NLGN4X: variants seen among roughly 807,000 people sequenced by gnomAD.
NLGN4X encodes neuroligin-4, X-linked.
A neutral mutation model predicts 40.3 loss-of-function variants in NLGN4X; 3 were observed. That is an observed-to-expected ratio of 0.07 (90% confidence interval 0.03 to 0.19). NLGN4X has a LOEUF of 0.19. Among genes scored for constraint, NLGN4X ranks in the 10% least tolerant of loss-of-function variants. NLGN4X has a pLI of 1.00. For missense variants in NLGN4X, 382 were observed against 708.3 expected (o/e 0.54, Z 5.23); for synonymous variants, 270 against 306.8 (o/e 0.88, Z 1.25).
At chrX:6,054,043 T>C (rs1569210605) in intron 2 of NLGN4X, among the ~76,000 whole-genome samples, 1 of 112,347 alleles carries the variant, frequency 8.9e-6, no homozygotes, top group Non-Finnish European at 1.9e-5. Context: ...ATAGCTTTAA[T>C]GCACTGTTAG....
At chrX:6,044,038 C>G (rs1238302230) in intron 2 of NLGN4X, among the ~76,000 whole-genome samples, 1 of 110,078 alleles carries the variant, frequency 9.1e-6, no homozygotes, top group Non-Finnish European at 1.9e-5. Flanking sequence ...GAGGCCAAGG[C>G]AAGAGGACTG....
At chrX:6,001,729 C>T (rs1227489758) in intron 3 of NLGN4X, among the ~76,000 whole-genome samples, 2 of 108,887 alleles carry the variant, frequency 1.8e-5, no homozygotes, top group African/African-American at 6.7e-5. Context: ...GTACATTCAC[C>T]ATCAAATCCT....
At chrX:6,153,924 G>A (rs1382470251) in intron 1 of NLGN4X, among the ~76,000 whole-genome samples, 1 of 112,399 alleles carries the variant, frequency 8.9e-6, no homozygotes, top group Non-Finnish European at 1.9e-5. Flanking sequence ...CACTTACTAG[G>A]TCTAGATTGG....
intron 1 of NLGN4X, among the ~76,000 whole-genome samples, chrX:6,199,940 C>T (rs1923445121): frequency 8.9e-6 from 1 of 111,848 alleles, no homozygotes; most frequent in Admixed American, 9.5e-5. Context: ...GAACTTTCCC[C>T]TACAGTGCGT....
intron 2 of NLGN4X, among the ~76,000 whole-genome samples, chrX:6,045,353 T>A (rs1405889247): frequency 8.9e-6 from 1 of 112,220 alleles, no homozygotes; most frequent in Admixed American, 9.5e-5. Flanking sequence ...AAGTTCTTCA[T>A]CCAAAACGCA....
At chrX:6,074,941 T>C (rs911646789) in intron 2 of NLGN4X, among the ~76,000 whole-genome samples, 7 of 111,742 alleles carry the variant, frequency 6.3e-5, no homozygotes, top group Non-Finnish European at 1.3e-4. Flanking sequence ...AAAGCTTGTA[T>C]TATTTATATT....
At chrX:6,117,220 A>C (rs1273628810) in intron 2 of NLGN4X, among the ~76,000 whole-genome samples, 1 of 110,508 alleles carries the variant, frequency 9.0e-6, no homozygotes, top group Non-Finnish European at 1.9e-5. Context: ...TCCATGAACC[A>C]TCTTTTCAGT....
intron 3 of NLGN4X, among the ~76,000 whole-genome samples, chrX:5,931,142 T>C (rs2033531090): frequency 8.9e-6 from 1 of 112,306 alleles, no homozygotes. Flanking sequence ...GGAAATGTAG[T>C]GGATTTGCTC....
At position 6,140,322 on chromosome X, in the gene NLGN4X, G is replaced by A. The variant is rs141395282; in HGVS notation, c.472+10673C>T. On this transcript the variant is annotated intron_variant, in intron 2 of 5. Transcript: ENST00000381095. ...CTTGAAGGAGACTTTGGGATGTTTGGGGTTTCAGAGAGGAAGAGGATATAG... is the reference window on the plus strand; with the variant it reads ...CTTGAAGGAGACTTTGGGATGTTTGAGGTTTCAGAGAGGAAGAGGATATAG... 5.3e-3 allele frequency among the ~76,000 whole-genome samples: 585 copies of A among 110,843 alleles called. 7 individuals carry two copies. Among genetic ancestry groups the A allele is most frequent in the African/African-American group, 0.018 (550 of 30,468 alleles).
chrX:6,181,135 A>C (rs1351649633), intron 1 of NLGN4X, among the ~76,000 whole-genome samples: 1 of 111,248 alleles, frequency 9.0e-6, no homozygotes, highest in East Asian at 2.8e-4. Context: ...CCTGTGGGGA[A>C]TAAGGATAGT....
At chrX:5,950,894 C>T (rs1028084404) in intron 3 of NLGN4X, among the ~76,000 whole-genome samples, 1 of 111,819 alleles carries the variant, frequency 8.9e-6, no homozygotes, top group African/African-American at 3.2e-5. Flanking sequence ...GGAAGTAGGA[C>T]GGAGAAGAAA....
chrX:5,966,184 T>C (rs927991824), intron 3 of NLGN4X, among the ~76,000 whole-genome samples: 4 of 112,124 alleles, frequency 3.6e-5, no homozygotes, highest in Non-Finnish European at 7.5e-5. Flanking sequence ...AGGTAGAACA[T>C]GACATATACT....
intron 3 of NLGN4X, among the ~76,000 whole-genome samples, chrX:5,991,877 G>A (rs777400794): frequency 3.6e-4 from 40 of 111,987 alleles, no homozygotes; most frequent in Admixed American, 6.6e-4. Flanking sequence ...TTTAATGAAG[G>A]GGGAAAAGGG....
intron 3 of NLGN4X, among the ~76,000 whole-genome samples, chrX:5,923,614 C>T (rs1480155690): frequency 8.9e-6 from 1 of 111,751 alleles, no homozygotes; most frequent in African/African-American, 3.3e-5. Context: ...AGGGAAACTC[C>T]CCTTTTTAAA....
chrX:5,950,374 A>G (rs2034267953), intron 3 of NLGN4X, among the ~76,000 whole-genome samples: 1 of 112,309 alleles, frequency 8.9e-6, no homozygotes, highest in South Asian at 3.7e-4. Flanking sequence ...GGGATACATT[A>G]AATGTATTTT....
intron 3 of NLGN4X, among the ~76,000 whole-genome samples, chrX:5,952,596 A>G (rs2034349485): frequency 9.0e-6 from 1 of 111,697 alleles, no homozygotes; most frequent in Admixed American, 9.5e-5. Context: ...TCTAAAAATA[A>G]TAAGTGGTAC....
intron 3 of NLGN4X, among the ~76,000 whole-genome samples, chrX:6,012,996 T>C (rs915054892): frequency 9.9e-5 from 11 of 111,641 alleles, no homozygotes; most frequent in African/African-American, 3.3e-4. Context: ...TGCCAGCCAA[T>C]TGCAAAATTC....
intron 1 of NLGN4X, among the ~76,000 whole-genome samples, chrX:6,157,559 CCA>C (rs1433156804): frequency 9.0e-6 from 1 of 111,663 alleles, no homozygotes; most frequent in African/African-American, 3.3e-5. Flanking sequence ...GGCTTATAAA[CCA>C]CAGATATTCA....
chrX:6,082,759 T>C (rs1289144659), intron 2 of NLGN4X, among the ~76,000 whole-genome samples: 2 of 107,382 alleles, frequency 1.9e-5, no homozygotes, highest in African/African-American at 6.8e-5. Flanking sequence ...CCCGGGCAGG[T>C]AGAAGGGTGG....
Sources: allele counts gnomAD v4.1 joint callset (sites outside exome capture counted in the v4.1 genomes callset), GRCh38; gene constraint gnomAD v4.1.1; transcripts MANE v1.5; gene names NCBI Gene and HGNC (gene_info 2026-07-23, HGNC 2026-07-21).